PRKCSH: variants seen among roughly 807,000 people sequenced by gnomAD.
PRKCSH encodes the protein PRKCSH beta subunit of glucosidase II.
Under a neutral mutation model 79.7 loss-of-function variants are expected in PRKCSH, and 42 were observed. The ratio of observed to expected loss-of-function variants is 0.53; its 90% CI spans 0.41 to 0.68. The LOEUF is 0.68. Among genes scored for constraint, PRKCSH ranks in the 30% least tolerant of loss-of-function variants. The probability of loss-of-function intolerance (pLI) is 0.00; values close to 1 mark genes in which losing one functional copy is unlikely to be tolerated. For missense variants in PRKCSH, 686 were observed against 709.0 expected, an observed-to-expected ratio of 0.97 and a Z score of 0.37; for synonymous variants, 325 against 288.2, an observed-to-expected ratio of 1.13 and a Z score of -1.29.
rs1470198422 is a variant in PRKCSH, at chr19:11,447,273, G to A, written c.849+113G>A. On this transcript the variant is annotated intron_variant, in intron 10 of 17. Coordinates refer to ENST00000677123, the MANE Select transcript of PRKCSH (RefSeq NM_001289104.2). This position sits in a 1 kb window ranked among gnomAD's most constrained non-coding sequence, Gnocchi z 5.6. ...CCTGGCCACCCTGGCCAGCTGGGTGGCCCCAGCACCCCCCACCGAGACCCC... is the reference window on the plus strand; with the variant it reads ...CCTGGCCACCCTGGCCAGCTGGGTGACCCCAGCACCCCCCACCGAGACCCC... 3.6e-6 allele frequency: 5 copies of A among 1,391,464 alleles called. No homozygotes were observed. Among genetic ancestry groups the A allele is most frequent in the Non-Finnish European group, 3.0e-6 (3 of 1,001,874 alleles). 86.2% of individuals were successfully genotyped at this position (1,391,464 alleles called of 1,614,324 possible). A position where few individuals can be genotyped will look rare whatever the true frequency, so the allele number is the denominator to read the frequency against.
chr19:11,445,406 A>C lies in PRKCSH; in HGVS notation c.616A>C (p.Lys206Gln). The C allele has an allele frequency of 6.2e-7, 1 of 1,613,964 alleles. No homozygotes were observed. Among genetic ancestry groups the C allele is most frequent in the East Asian group, 2.2e-5 (1 of 44,872 alleles). Residue 206 changes from lysine to glutamine, a missense_variant, in exon 8 of 18, where the codon AAG becomes CAG. Lys to Gln is a moderately conservative substitution (Grantham distance 53). This residue lies in a region of PRKCSH where 549 missense variants were observed against 520.2 expected (regional missense o/e 1.06). Transcript: ENST00000677123. The stretch of plus-strand genomic sequence containing the variant: ...CTTTACAGAGCAGCTGGCTGCTGCC[A>C]AGGCCCAACAGGAGCAGGAGCTGGC... ...KLWEEQLAAA[K>Q]AQQEQELAAD...
chr19:11,440,734 T>C (rs943594787), intron 5 of PRKCSH, among the ~76,000 whole-genome samples: 7 of 152,190 alleles, frequency 4.6e-5, no homozygotes, highest in Non-Finnish European at 1.0e-4. Flanking sequence ...ATTACAGGCA[T>C]GAGCCACCAC....
At position 11,448,296 on chromosome 19, in the gene PRKCSH, CG is replaced by C; in HGVS notation, c.1196+10del. Reference sequence around the variant, plus strand: ...GGACATGGAGGAGTCCATCAGGTAGCGGGGGCTGAGGAGCGGGGACACCTGT... The same window carrying C: ...GGACATGGAGGAGTCCATCAGGTAGCGGGGCTGAGGAGCGGGGACACCTGT... On this transcript the variant is annotated splice_donor_region_variant and intron_variant, in intron 13 of 17. Coordinates refer to ENST00000677123, the MANE Select transcript of PRKCSH (RefSeq NM_001289104.2). The surrounding 1 kb of genome is among the most constrained non-coding windows in gnomAD (Gnocchi z 4.4). 6.4e-7 allele frequency: 1 copy of C among 1,571,504 alleles called. No individual in the cohort carries two copies. Among genetic ancestry groups the C allele is most frequent in the Non-Finnish European group, 8.6e-7 (1 of 1,158,026 alleles).
At position 11,448,893 on chromosome 19, in the gene PRKCSH, A is replaced by T. The variant is rs374913029; in HGVS notation, c.1287-21A>T. 6.1e-5 allele frequency: 99 copies of T among 1,613,862 alleles called. 2 individuals carry two copies. In the South Asian group the frequency reaches 1.0e-3, roughly 17 times the overall value. On this transcript the variant is annotated intron_variant, in intron 14 of 17. Transcript: ENST00000677123. The surrounding 1 kb of genome is among the most constrained non-coding windows in gnomAD (Gnocchi z 4.4). ...CTGGAATCCCTGCGTTCCCCAACCCATATGTCCCGGTCCTCCACAGATACG... is the reference window on the plus strand; with the variant it reads ...CTGGAATCCCTGCGTTCCCCAACCCTTATGTCCCGGTCCTCCACAGATACG...
At chr19:11,437,600 G>A (rs1264094069) in intron 3 of PRKCSH, among the ~76,000 whole-genome samples, 1 of 152,136 alleles carries the variant, frequency 6.6e-6, no homozygotes, top group African/African-American at 2.4e-5. Context: ...TGACCCACCC[G>A]CCTCGGCCTC....
chr19:11,437,387 T>C (rs910476291), intron 3 of PRKCSH, among the ~76,000 whole-genome samples: 3 of 149,508 alleles, frequency 2.0e-5, no homozygotes, highest in African/African-American at 7.4e-5. Context: ...GTTTCACTCT[T>C]ATCGCCCAGG....
intron 6 of PRKCSH, 64 bp downstream of exon 6, chr19:11,441,421 G>T: frequency 6.6e-7 from 1 of 1,504,342 alleles, no homozygotes. Flanking sequence ...GTGTGGGCTT[G>T]CAAGGCTGGG....
rs147604495 is a variant in PRKCSH, at chr19:11,437,496, C to T, written c.197-380C>T. On this transcript the variant is annotated intron_variant, in intron 3 of 17. Transcript: ENST00000677123. The stretch of plus-strand genomic sequence containing the variant: ...CCTCCTGAGTAGCTGGGATTACAGG[C>T]ACATGCCACCACATCCGGCTAATTT... 4.2e-3 allele frequency among the ~76,000 whole-genome samples: 638 copies of T among 152,168 alleles called. 4 individuals carry two copies. The highest frequency in any genetic ancestry group is 7.6e-3 in the Non-Finnish European group (515 of 68,008).
chr19:11,437,121 C>G (rs1209956749), intron 3 of PRKCSH, among the ~76,000 whole-genome samples: 1 of 151,966 alleles, frequency 6.6e-6, no homozygotes, highest in African/African-American at 2.4e-5. Context: ...CTGCAAGCTC[C>G]GCCTCCCGGG....
chr19:11,441,478 C>T (rs983736308), intron 6 of PRKCSH, 121 bp downstream of exon 6: 114 of 899,358 alleles, frequency 1.3e-4, no homozygotes, highest in Non-Finnish European at 1.8e-4. Flanking sequence ...GACTGCCTTT[C>T]GGAGCTTTGC....
chr19:11,444,052 A>T (rs1052576305), intron 7 of PRKCSH, among the ~76,000 whole-genome samples: 1 of 152,186 alleles, frequency 6.6e-6, no homozygotes, highest in Admixed American at 6.5e-5. Flanking sequence ...GATTACAGGC[A>T]TGAGCCACGG....
chr19:11,448,833 TGGAGGAGGCGGTGGGGGGTGGCTGTG>T lies in PRKCSH; in HGVS notation c.1287-71_1287-46del, dbSNP rs1970449628. On this transcript the variant is annotated intron_variant, in intron 14 of 17. Transcript: ENST00000677123. This position sits in a 1 kb window ranked among gnomAD's most constrained non-coding sequence, Gnocchi z 4.4. ...TTGGAGGTACCCTGTGTGTGGGGACTGGAGGAGGCGGTGGGGGGTGGCTGTGGGAGGAGGCTGGAATCCCTGCGTTC... is the reference window on the plus strand; with the variant it reads ...TTGGAGGTACCCTGTGTGTGGGGACTGGAGGAGGCTGGAATCCCTGCGTTC... 7.1e-6 allele frequency: 11 copies of T among 1,540,050 alleles called. No individual in the cohort carries two copies. The South Asian group carries it at 1.2e-4, about 17-fold the overall frequency.
In PRKCSH at chr19:11,441,728, G is replaced by A. The variant is rs146534533; in HGVS notation, c.468+371G>A. ...CCAGTTCTGATGTTAGAAAGATAAC[G>A]TCAGCCAGTAGCAGCTGGATTAATT... On this transcript the variant is annotated intron_variant, in intron 6 of 17. Coordinates refer to ENST00000677123, the MANE Select transcript of PRKCSH (RefSeq NM_001289104.2). 5.5e-3 allele frequency among the ~76,000 whole-genome samples: 843 copies of A among 152,250 alleles called. 9 individuals carry two copies. Among genetic ancestry groups the A allele is most frequent in the South Asian group, 0.013 (64 of 4,818 alleles).
intron 7 of PRKCSH, among the ~76,000 whole-genome samples, chr19:11,443,150 C>T (rs180856511): frequency 2.0e-5 from 3 of 151,916 alleles, no homozygotes; most frequent in Admixed American, 6.6e-5. Flanking sequence ...TGGTGGCTCA[C>T]GCCTGTAATC....
chr19:11,446,210 G>C, intron 8 of PRKCSH, 62 bp from the exon 9 acceptor site: 1 of 1,565,822 alleles, frequency 6.4e-7, no homozygotes, highest in Non-Finnish European at 8.7e-7. Flanking sequence ...GCCACATGGT[G>C]CCCCCAACTG....
At chr19:11,441,434 G>C (rs1017295688) in intron 6 of PRKCSH, 77 bp downstream of exon 6, 4 of 1,413,488 alleles carry the variant, frequency 2.8e-6, no homozygotes, top group Non-Finnish European at 4.0e-6. Context: ...AGGCTGGGGA[G>C]GGGTTTGCCC....
Position 11,445,412 on chromosome 19 carries a change from C to CAACAGG in PRKCSH, c.624_629dup (p.Gln211_Glu212dup). On this transcript the variant is annotated inframe_insertion, in exon 8 of 18. Transcript: ENST00000677123. ...AGAGCAGCTGGCTGCTGCCAAGGCC[C>CAACAGG]AACAGGAGCAGGAGCTGGCGGCTGA... 1.2e-6 allele frequency: 2 copies of CAACAGG among 1,613,986 alleles called. No individual in the cohort carries two copies. The highest frequency in any genetic ancestry group is 1.7e-6 in the Non-Finnish European group (2 of 1,180,022).
Position 11,447,570 on chromosome 19 carries a change from A to AGAAGAG in PRKCSH, c.984_989dup (p.Glu332_Glu333dup), listed in dbSNP as rs1467904741. 3 of 1,598,216 alleles carry AGAAGAG rather than the reference A, an allele frequency of 1.9e-6. No individual in the cohort carries two copies. The highest frequency in any genetic ancestry group is 2.7e-5 in the African/African-American group (2 of 74,592). The stretch of plus-strand genomic sequence containing the variant: ...AGGAGGAGGAGGAAGAAGAGGCTGA[A>AGAAGAG]GAAGAGGAGGAGGAGGAGGATTCCG... On this transcript the variant is annotated inframe_insertion, in exon 11 of 18. Transcript: ENST00000677123. The surrounding 1 kb of genome is among the most constrained non-coding windows in gnomAD (Gnocchi z 5.6).
intron 3 of PRKCSH, 150 bp from the exon 4 acceptor site, chr19:11,437,726 C>A: frequency 4.0e-6 from 3 of 753,508 alleles, no homozygotes; most frequent in East Asian, 2.6e-5. Context: ...CGAGCCCTGG[C>A]TGTGCAGTGT....
Sources: allele counts gnomAD v4.1 joint callset (sites outside exome capture counted in the v4.1 genomes callset), GRCh38; gene constraint gnomAD v4.1.1; regional missense constraint gnomAD v4.1.1; non-coding constraint Gnocchi (gnomAD v3.1); transcripts MANE v1.5; gene names NCBI Gene and HGNC (gene_info 2026-07-23, HGNC 2026-07-21).